Variants in PAX7 observed in about 807,000 individuals in gnomAD.
The protein encoded by PAX7 is paired box protein Pax-7.
In PAX7, 18 loss-of-function variants were observed where a neutral mutation model predicts 50.7. The ratio of observed to expected loss-of-function variants is 0.36; its 90% CI spans 0.25 to 0.53. PAX7 has a LOEUF of 0.53. PAX7 is among the 20% of genes least tolerant of loss of function. The pLI, the probability that PAX7 is intolerant of heterozygous loss-of-function variation, is 0.93. For missense variants in PAX7, 644 were observed against 702.9 expected (o/e 0.92, Z 0.95); for synonymous variants, 310 against 290.4 (o/e 1.07, Z -0.69).
At chr1:18,635,278 T>A (rs1419727794) in intron 3 of PAX7, 38 bp downstream of exon 3, 2 of 1,609,252 alleles carry the variant, frequency 1.2e-6, no homozygotes, top group Admixed American at 3.3e-5. Context: ...TGGCCCAGAG[T>A]GTGGCCAGGG....
intron 7 of PAX7, among the ~76,000 whole-genome samples, chr1:18,730,954 G>A (rs896928431): frequency 6.6e-6 from 1 of 152,122 alleles, no homozygotes; most frequent in Non-Finnish European, 1.5e-5. Context: ...GAGGAGGAAG[G>A]GAGAGGAAGG....
At position 18,746,167 on chromosome 1, in the gene PAX7, A is replaced by G. The variant is rs1931431061; in HGVS notation, c.*1238A>G. On this transcript the variant is annotated 3_prime_UTR_variant, in exon 9 of 9. Coordinates refer to ENST00000420770, the MANE Select transcript of PAX7 (RefSeq NM_001135254.2). Reference sequence around the variant, plus strand: ...CACAGACAAGATGATCCCCCCTGGCATGTTGTTAGGGGCAAATTGCTGTCC... The same window carrying G: ...CACAGACAAGATGATCCCCCCTGGCGTGTTGTTAGGGGCAAATTGCTGTCC... The G allele has an allele frequency of 4.3e-6, 1 of 231,636 alleles. No homozygotes were observed. Among genetic ancestry groups the G allele is most frequent in the Admixed American group, 5.6e-5 (1 of 17,712 alleles). The allele number at this position is 231,636 out of a possible 1,614,324, so 14.3% of individuals were successfully genotyped here. A position where few individuals can be genotyped will look rare whatever the true frequency, so the allele number is the denominator to read the frequency against.
chr1:18,655,770 GGTGTGTGTGTGTGTGTGT>G (rs549280757), intron 4 of PAX7, among the ~76,000 whole-genome samples: 3 of 143,562 alleles, frequency 2.1e-5, no homozygotes, highest in Non-Finnish European at 4.6e-5. Context: ...ACTTGGAGAG[GGTGTGTGTGTGTGTGTGT>G]GTGTGTGTGT....
chr1:18,636,322 C>A lies in PAX7; in HGVS notation c.537C>A (p.Asp179Glu), dbSNP rs372598486. ...EEDEADKKED[D>E]GEKKAKHSID... is the part of the protein sequence containing the mutation. ...ATGAAGCGGACAAGAAGGAGGACGA[C>A]GGCGAAAAGAAGGCCAAACACAGCA... The change falls in exon 4 of 9, where the codon GAC becomes GAA. Residue 179 changes from aspartate to glutamate, a missense_variant. Transcript: ENST00000420770. The surrounding 1 kb of genome is among the most constrained non-coding windows in gnomAD (Gnocchi z 5.1). 6 of 1,614,082 alleles carry A rather than the reference C, an allele frequency of 3.7e-6. No homozygotes were observed. The African/African-American group carries it at 5.3e-5, about 14-fold the overall frequency.
chr1:18,733,696 C>A (rs754904471), intron 7 of PAX7, among the ~76,000 whole-genome samples: 68 of 152,296 alleles, frequency 4.5e-4, no homozygotes, highest in Middle Eastern at 3.4e-3. Flanking sequence ...GCAAGGGACC[C>A]CACCCCACTC....
At chr1:18,637,031 G>A (rs1019947335) in intron 4 of PAX7, among the ~76,000 whole-genome samples, 29 of 152,274 alleles carry the variant, frequency 1.9e-4, no homozygotes, top group Non-Finnish European at 2.6e-4. Flanking sequence ...GCCCAGGGTC[G>A]GAGGATCGCA....
At chr1:18,672,349 C>T (rs912619115) in intron 4 of PAX7, among the ~76,000 whole-genome samples, 6 of 152,124 alleles carry the variant, frequency 3.9e-5, no homozygotes, top group Non-Finnish European at 8.8e-5. Context: ...TTACAGAATA[C>T]ATAAGATTCT....
At chr1:18,653,022 C>G (rs2088457290) in intron 4 of PAX7, among the ~76,000 whole-genome samples, 2 of 152,212 alleles carry the variant, frequency 1.3e-5, no homozygotes, top group South Asian at 4.1e-4. Context: ...ACCACAAACT[C>G]TTCCTGCTGC....
intron 4 of PAX7, among the ~76,000 whole-genome samples, chr1:18,672,649 A>G (rs1428488975): frequency 2.3e-5 from 3 of 132,988 alleles, no homozygotes; most frequent in Non-Finnish European, 4.6e-5. Context: ...TCTGTCGCCC[A>G]GGCTGGAGTG....
At chr1:18,719,694 T>C (rs851124) in intron 7 of PAX7, among the ~76,000 whole-genome samples, 104,839 of 152,150 alleles carry the variant, frequency 0.69, 36,306 homozygotes, top group Middle Eastern at 0.74. Flanking sequence ...TGACCTCTGC[T>C]GGCCCTGGAA....
At chr1:18,723,767 C>G (rs1255779611) in intron 7 of PAX7, among the ~76,000 whole-genome samples, 1 of 152,088 alleles carries the variant, frequency 6.6e-6, no homozygotes, top group African/African-American at 2.4e-5. Context: ...ATATGCATAG[C>G]CAGGATCTTG....
intron 7 of PAX7, among the ~76,000 whole-genome samples, chr1:18,730,016 C>T (rs965646145): frequency 6.6e-6 from 1 of 152,106 alleles, no homozygotes; most frequent in Non-Finnish European, 1.5e-5. Flanking sequence ...CAGGCAAGGT[C>T]CCTGAGCCAC....
intron 4 of PAX7, among the ~76,000 whole-genome samples, chr1:18,650,079 C>T (rs756707132): frequency 6.2e-4 from 95 of 152,170 alleles, no homozygotes; most frequent in Admixed American, 7.9e-4. Flanking sequence ...TCCGGGGAGG[C>T]AGGGCTTTGT....
Position 18,735,473 on chromosome 1 carries a change from C to T in PAX7, c.1156-159C>T, listed in dbSNP as rs1443241960. Among the ~76,000 whole-genome samples, 1 of 152,148 alleles carries T rather than the reference C, an allele frequency of 6.6e-6. No individual in the cohort carries two copies. Among genetic ancestry groups the T allele is most frequent in the African/African-American group, 2.4e-5 (1 of 41,434 alleles). On this transcript the variant is annotated intron_variant, in intron 7 of 8. Transcript: ENST00000420770. This position sits in a 1 kb window ranked among gnomAD's most constrained non-coding sequence, Gnocchi z 4.0. ...CCAGCAGCCATCCCATGCATGAGGG[C>T]ACGCAAATCAGGTAAACTGAGGACC...
intron 4 of PAX7, among the ~76,000 whole-genome samples, chr1:18,665,672 C>T (rs1029914055): frequency 5.7e-5 from 7 of 122,258 alleles, no homozygotes; most frequent in East Asian, 2.3e-4. Context: ...TGCGCCCAGC[C>T]TTTTTTTTTT....
chr1:18,744,115 C>A (rs2743185), intron 8 of PAX7, among the ~76,000 whole-genome samples: 8,856 of 152,192 alleles, frequency 0.058, 886 homozygotes, highest in African/African-American at 0.2. Context: ...TCCCTCAGCT[C>A]ACCCACAGCC....
At chr1:18,679,677 T>C (rs957258475) in intron 4 of PAX7, among the ~76,000 whole-genome samples, 1 of 152,102 alleles carries the variant, frequency 6.6e-6, no homozygotes, top group Non-Finnish European at 1.5e-5. Context: ...CCAGGACAGA[T>C]TTCTGGGAAA....
rs979863255 is a variant in PAX7 at position 18,713,818 on chromosome 1, G to A, written c.1155+10522G>A. On this transcript the variant is annotated intron_variant, in intron 7 of 8. Coordinates refer to ENST00000420770, the MANE Select transcript of PAX7 (RefSeq NM_001135254.2). ...AAGGAAGGGGTAGGAGGTTGGTGCCGACCAGACAGCAGCAAATGACATGGC... is the reference window on the plus strand; with the variant it reads ...AAGGAAGGGGTAGGAGGTTGGTGCCAACCAGACAGCAGCAAATGACATGGC... 7.9e-5 allele frequency among the ~76,000 whole-genome samples: 12 copies of A among 152,266 alleles called. 1 individual carries two copies. Among genetic ancestry groups the A allele is most frequent in the East Asian group, 5.8e-4 (3 of 5,178 alleles).
rs897537691 is a variant in PAX7, at chr1:18,634,853, A to G, written c.322-258A>G. On this transcript the variant is annotated intron_variant, in intron 2 of 8. Transcript: ENST00000420770. This position sits in a 1 kb window ranked among gnomAD's most constrained non-coding sequence, Gnocchi z 4.0. ...AGTCTTTCCTGAGATAATGACGGGG[A>G]CCCTGGGGGTCCTAATTAGAGTTTT... is the stretch of plus-strand genomic sequence containing the variant. 2.0e-5 allele frequency among the ~76,000 whole-genome samples: 3 copies of G among 151,900 alleles called. No individual in the cohort carries two copies. The highest frequency in any genetic ancestry group is 6.6e-5 in the Admixed American group (1 of 15,252).
Sources: gnomAD v4.1 joint callset for allele counts (sites outside exome capture counted in the v4.1 genomes callset) on GRCh38, gnomAD v4.1.1 for gene constraint, Gnocchi (gnomAD v3.1) non-coding constraint, MANE v1.5 for transcripts, NCBI Gene and HGNC (gene_info 2026-07-23, HGNC 2026-07-21) for gene names.